FOXN3: variants seen among roughly 807,000 people sequenced by gnomAD.
FOXN3 encodes the protein forkhead box N3.
Under a neutral mutation model 38.4 loss-of-function variants are expected in FOXN3, and 7 were observed. That is an observed-to-expected ratio of 0.18 (90% CI 0.10 to 0.34). The LOEUF is 0.34. FOXN3 is among the 10% of genes least tolerant of loss of function. The pLI, the probability that FOXN3 is intolerant of heterozygous loss-of-function variation, is 1.00. For synonymous variants in FOXN3, 230 were observed against 242.2 expected (o/e 0.95, Z 0.47); for missense variants, 456 against 613.4 (o/e 0.74, Z 2.71).
intron 3 of FOXN3, among the ~76,000 whole-genome samples, chr14:89,316,888 CT>C (rs1246406654): frequency 6.6e-6 from 1 of 152,132 alleles, no homozygotes; most frequent in African/African-American, 2.4e-5. Flanking sequence ...TGGTTTTGAA[CT>C]CCTGACCTCA....
intron 4 of FOXN3, among the ~76,000 whole-genome samples, chr14:89,206,856 G>A (rs1026810147): frequency 6.6e-6 from 1 of 151,998 alleles, no homozygotes; most frequent in Non-Finnish European, 1.5e-5. Flanking sequence ...CTTGCTTTAA[G>A]CCTAAGCCGT....
At chr14:89,457,960 G>A (rs1489329647) in intron 1 of FOXN3, among the ~76,000 whole-genome samples, 2 of 151,258 alleles carry the variant, frequency 1.3e-5, no homozygotes, top group Non-Finnish European at 2.9e-5. Flanking sequence ...GTTGCAGTGA[G>A]CGGAGGTTGC....
At position 89,321,262 on chromosome 14, in the gene FOXN3, G is replaced by A. The variant is rs1887887420; in HGVS notation, c.680+29410C>T. Among the ~76,000 whole-genome samples, 4 of 151,816 alleles carry A rather than the reference G, an allele frequency of 2.6e-5. No individual in the cohort carries two copies. In the South Asian group the frequency reaches 8.3e-4, roughly 32 times the overall value. On this transcript the variant is annotated intron_variant, in intron 3 of 5. Coordinates refer to ENST00000557258, the MANE Select transcript of FOXN3 (RefSeq NM_005197.4). ...GCAGAGATTGCGTTACTGCCCTCCAGCCTGGGCAAATCTGTCTCAAAAAAT... is the reference window on the plus strand; with the variant it reads ...GCAGAGATTGCGTTACTGCCCTCCAACCTGGGCAAATCTGTCTCAAAAAAT...
chr14:89,498,190 CTGCTTCTCTCTCTCTCTCTCTTTTT>C (rs1893724172), intron 1 of FOXN3, among the ~76,000 whole-genome samples: 1 of 146,706 alleles, frequency 6.8e-6, no homozygotes, highest in South Asian at 2.2e-4. Context: ...TTCTCTCTGG[CTGCTTCTCTCTCTCTCTCTCTTTTT>C]TTTTTTTTTT....
intron 4 of FOXN3, among the ~76,000 whole-genome samples, chr14:89,255,182 T>A (rs931570557): frequency 6.6e-6 from 1 of 152,200 alleles, no homozygotes; most frequent in Non-Finnish European, 1.5e-5. Context: ...TTGTGAAATG[T>A]CTTTTAGAAG....
intron 2 of FOXN3, among the ~76,000 whole-genome samples, chr14:89,384,009 A>G (rs1890729191): frequency 1.3e-5 from 2 of 151,752 alleles, no homozygotes; most frequent in Admixed American, 1.3e-4. Flanking sequence ...CTCCAGGTGG[A>G]CATGAATTTG....
rs118041630 is a variant in FOXN3 at position 89,441,779 on chromosome 14, G to A, written c.-14-29289C>T. On this transcript the variant is annotated intron_variant, in intron 1 of 6. Transcript: ENST00000345097. ...GGGGGGTGGAAGTAGGCAGGAAGTTGGGATCCTGGAGGGTCCCTATGGATT... is the reference window on the plus strand; with the variant it reads ...GGGGGGTGGAAGTAGGCAGGAAGTTAGGATCCTGGAGGGTCCCTATGGATT... Among the ~76,000 whole-genome samples, 769 of 152,254 alleles carry A rather than the reference G, an allele frequency of 5.1e-3. 10 individuals are homozygous for A. Among genetic ancestry groups the A allele is most frequent in the Non-Finnish European group, 6.3e-3 (429 of 68,018 alleles).
intron 3 of FOXN3, among the ~76,000 whole-genome samples, chr14:89,346,103 A>G (rs1888751931): frequency 6.6e-6 from 1 of 152,204 alleles, no homozygotes; most frequent in Non-Finnish European, 1.5e-5. Flanking sequence ...AATTGCTGCA[A>G]AAGACATTAT....
chr14:89,206,850 C>T (rs190288945), intron 4 of FOXN3, among the ~76,000 whole-genome samples: 1 of 152,156 alleles, frequency 6.6e-6, no homozygotes, highest in East Asian at 1.9e-4. Flanking sequence ...ACTAAGCTTG[C>T]TTTAAGCCTA....
At position 89,308,158 on chromosome 14, in the gene FOXN3, G is replaced by A. The variant is rs138799254; in HGVS notation, c.681-27144C>T. Among the ~76,000 whole-genome samples the A allele has an allele frequency of 2.9e-3, 444 of 152,248 alleles. 4 individuals are homozygous for A. The highest frequency in any genetic ancestry group is 9.8e-3 in the African/African-American group (405 of 41,530). On this transcript the variant is annotated intron_variant, in intron 3 of 5. Transcript: ENST00000557258. Reference sequence around the variant, plus strand: ...CACCCGCCTATAATCCCAGCTACTCGGGAGGCTGAGGCACGAGAATCATTT... The same window carrying A: ...CACCCGCCTATAATCCCAGCTACTCAGGAGGCTGAGGCACGAGAATCATTT...
intron 1 of FOXN3, among the ~76,000 whole-genome samples, chr14:89,491,608 C>T (rs1893577811): frequency 6.6e-6 from 1 of 152,158 alleles, no homozygotes; most frequent in Non-Finnish European, 1.5e-5. Context: ...GCCCTGGATG[C>T]CAACCTTTCA....
At chr14:89,370,565 C>G (rs1890289948) in intron 2 of FOXN3, among the ~76,000 whole-genome samples, 1 of 152,206 alleles carries the variant, frequency 6.6e-6, no homozygotes, top group African/African-American at 2.4e-5. Context: ...CAAGCGGAAG[C>G]CAAGGTTTCT....
At chr14:89,535,556 A>G (rs1373183156) in intron 1 of FOXN3, among the ~76,000 whole-genome samples, 1 of 152,204 alleles carries the variant, frequency 6.6e-6, no homozygotes, top group Admixed American at 6.5e-5. Flanking sequence ...TACAGTGAAT[A>G]AACTTTTTAC....
At chr14:89,444,801 G>A (rs1344446866) in intron 1 of FOXN3, among the ~76,000 whole-genome samples, 2 of 152,232 alleles carry the variant, frequency 1.3e-5, no homozygotes, top group African/African-American at 4.8e-5. Context: ...CTTAGTCTGG[G>A]AGGCAGTTCA....
At chr14:89,606,976 T>C (rs939946663) in intron 1 of FOXN3, among the ~76,000 whole-genome samples, 3 of 152,158 alleles carry the variant, frequency 2.0e-5, no homozygotes, top group Non-Finnish European at 4.4e-5. Context: ...TGAAGAAACA[T>C]GTATGACCAA....
chr14:89,427,239 A>G, intron 1 of FOXN3, among the ~76,000 whole-genome samples: 1 of 150,154 alleles, frequency 6.7e-6, no homozygotes, highest in Admixed American at 6.6e-5. Flanking sequence ...AAAAAAAAAA[A>G]AAGAAAAGAG....
intron 4 of FOXN3, among the ~76,000 whole-genome samples, chr14:89,258,787 C>T (rs906460290): frequency 7.7e-4 from 117 of 152,330 alleles, no homozygotes; most frequent in Non-Finnish European, 1.0e-3. Context: ...GGGTTTAAAA[C>T]GAGTATGAAG....
chr14:89,464,355 C>T (rs1892925881), intron 1 of FOXN3, among the ~76,000 whole-genome samples: 1 of 152,132 alleles, frequency 6.6e-6, no homozygotes, highest in African/African-American at 2.4e-5. Context: ...GATTCATGGC[C>T]AAGAGCACTC....
chr14:89,373,315 C>T (rs1890376545), intron 2 of FOXN3, among the ~76,000 whole-genome samples: 1 of 3,868 alleles, frequency 2.6e-4, no homozygotes, highest in South Asian at 0.045. Flanking sequence ...AAAGCTATCA[C>T]AGCTTTCCAA....
Sources: gnomAD v4.1 joint callset for allele counts (sites outside exome capture counted in the v4.1 genomes callset) on GRCh38, gnomAD v4.1.1 for gene constraint, MANE v1.5 for transcripts, NCBI Gene and HGNC (gene_info 2026-07-23, HGNC 2026-07-21) for gene names.